PCDH11X: variants seen among roughly 807,000 people sequenced by gnomAD.
PCDH11X encodes the protein protocadherin-11 X-linked.
Under a neutral mutation model 53.3 loss-of-function variants are expected in PCDH11X, and 18 were observed. That is an observed-to-expected ratio of 0.34 (90% CI 0.23 to 0.50). The LOEUF (loss-of-function observed/expected upper bound fraction) is 0.50, where lower values mean the gene tolerates loss of function less well. Ranked by LOEUF, PCDH11X falls within the 20% of genes least tolerant of loss-of-function variation. The probability of loss-of-function intolerance (pLI) is 0.98; values close to 1 mark genes in which losing one functional copy is unlikely to be tolerated. For synonymous variants in PCDH11X, 279 were observed against 393.3 expected, an observed-to-expected ratio of 0.71 and a Z score of 3.44; for missense variants, 570 against 1,032.4, an observed-to-expected ratio of 0.55 and a Z score of 6.14.
chrX:92,588,939 C>A (rs1245936815), intron 10 of PCDH11X, among the ~76,000 whole-genome samples: 1 of 110,385 alleles, frequency 9.1e-6, no homozygotes, highest in Admixed American at 9.8e-5. Context: ...AAAGAAAATA[C>A]AACGGAGCTC....
chrX:91,818,662 G>A (rs368838665), intron 4 of PCDH11X, among the ~76,000 whole-genome samples: 18 of 108,274 alleles, frequency 1.7e-4, no homozygotes, highest in East Asian at 1.5e-3. Flanking sequence ...TCGCACCACT[G>A]CACTCCAGCC....
At chrX:91,963,572 TCTGTCTTCTTCTGAG>T (rs1157459255) in intron 6 of PCDH11X, among the ~76,000 whole-genome samples, 1 of 111,419 alleles carries the variant, frequency 9.0e-6, no homozygotes, top group African/African-American at 3.3e-5. Flanking sequence ...CCCACCTCTT[TCTGTCTTCTTCTGAG>T]CCCTCCAAGC....
intron 6 of PCDH11X, among the ~76,000 whole-genome samples, chrX:91,906,882 T>C (rs1289310119): frequency 2.7e-5 from 3 of 111,207 alleles, no homozygotes; most frequent in African/African-American, 9.8e-5. Context: ...GTTTGTGAAA[T>C]TCCTTTTTAA....
intron 6 of PCDH11X, among the ~76,000 whole-genome samples, chrX:92,015,200 A>ATCTT (rs1420210401): frequency 2.7e-5 from 3 of 111,618 alleles, no homozygotes; most frequent in Non-Finnish European, 5.7e-5. Flanking sequence ...GTGGACTTTA[A>ATCTT]TCTTTATTTA....
chrX:92,483,662 G>T (rs1432121844), intron 10 of PCDH11X, among the ~76,000 whole-genome samples: 11 of 89,247 alleles, frequency 1.2e-4, no homozygotes, highest in Non-Finnish European at 1.5e-4. Context: ...TCTGAATAAG[G>T]TCTATGATCT....
intron 6 of PCDH11X, among the ~76,000 whole-genome samples, chrX:92,188,865 A>G (rs12687951): frequency 9.0e-6 from 1 of 110,620 alleles, no homozygotes; most frequent in East Asian, 2.8e-4. Flanking sequence ...TTTCTTTGTG[A>G]TAATATGTGT....
At chrX:91,819,630 CT>C (rs71231693) in intron 4 of PCDH11X, among the ~76,000 whole-genome samples, 77 of 96,494 alleles carry the variant, frequency 8.0e-4, no homozygotes, top group Admixed American at 3.7e-3. Flanking sequence ...GCAAGCATTT[CT>C]TTTTTTTTTT....
At chrX:92,417,239 A>T (rs1419527253) in intron 9 of PCDH11X, among the ~76,000 whole-genome samples, 2 of 112,109 alleles carry the variant, frequency 1.8e-5, no homozygotes, top group Non-Finnish European at 3.8e-5. Flanking sequence ...TAGTTTTTAC[A>T]TTTTGTATGA....
At chrX:91,792,628 C>T (rs1254702218) in intron 1 of PCDH11X, among the ~76,000 whole-genome samples, 1 of 110,812 alleles carries the variant, frequency 9.0e-6, no homozygotes, top group African/African-American at 3.3e-5. Context: ...TTAGTAAGAA[C>T]TTTAAAGGAA....
chrX:92,508,097 G>T (rs909757041), intron 10 of PCDH11X, among the ~76,000 whole-genome samples: 1 of 111,511 alleles, frequency 9.0e-6, no homozygotes, highest in Non-Finnish European at 1.9e-5. Flanking sequence ...TTACAGGCGT[G>T]AGCCACCGCA....
At chrX:92,107,010 T>A (rs2064399035) in intron 6 of PCDH11X, among the ~76,000 whole-genome samples, 1 of 111,680 alleles carries the variant, frequency 9.0e-6, no homozygotes. Context: ...CATGATAAAA[T>A]CGAGGTCTCC....
At chrX:92,016,730 C>G (rs1324204308) in intron 6 of PCDH11X, among the ~76,000 whole-genome samples, 1 of 111,561 alleles carries the variant, frequency 9.0e-6, no homozygotes, top group Non-Finnish European at 1.9e-5. Flanking sequence ...GAAACTTTCT[C>G]CATATTGGCC....
intron 7 of PCDH11X, among the ~76,000 whole-genome samples, chrX:92,257,701 C>T (rs1035090566): frequency 1.8e-5 from 2 of 112,740 alleles, no homozygotes; most frequent in African/African-American, 6.4e-5. Flanking sequence ...TCTCCTTTGG[C>T]TCCATATCTC....
chrX:92,322,987 G>A (rs1256473181), intron 8 of PCDH11X, among the ~76,000 whole-genome samples: 1 of 111,710 alleles, frequency 9.0e-6, no homozygotes, highest in Non-Finnish European at 1.9e-5. Flanking sequence ...ACTTGAAATC[G>A]GTAATACATT....
chrX:91,998,521 G>A (rs1303227949), intron 6 of PCDH11X, among the ~76,000 whole-genome samples: 6 of 107,344 alleles, frequency 5.6e-5, no homozygotes, highest in Non-Finnish European at 1.1e-4. Context: ...AATCCTCTTA[G>A]GTTGTGGATC....
At chrX:92,490,515 C>T (rs1461885482) in intron 10 of PCDH11X, among the ~76,000 whole-genome samples, 15 of 110,341 alleles carry the variant, frequency 1.4e-4, no homozygotes, top group Non-Finnish European at 2.8e-4. Context: ...CATCCTGTAT[C>T]GATGATCCTG....
chrX:92,073,402 GC>G (rs1448930107), intron 6 of PCDH11X, among the ~76,000 whole-genome samples: 2 of 112,366 alleles, frequency 1.8e-5, no homozygotes, highest in African/African-American at 3.2e-5. Flanking sequence ...AATATTCATT[GC>G]AGAAAAGTGT....
At chrX:92,412,941 G>A (rs1319265203) in intron 9 of PCDH11X, among the ~76,000 whole-genome samples, 2 of 107,102 alleles carry the variant, frequency 1.9e-5, no homozygotes, top group Non-Finnish European at 3.8e-5. Flanking sequence ...TTTCTCCTAA[G>A]AAATTGCTTT....
intron 6 of PCDH11X, among the ~76,000 whole-genome samples, chrX:91,917,676 G>A (rs1489598833): frequency 1.1e-5 from 1 of 91,687 alleles, no homozygotes; most frequent in Non-Finnish European, 2.1e-5. Flanking sequence ...AGAAATCATC[G>A]ACAACACAAA....
Sources: gnomAD v4.1 joint callset for allele counts (sites outside exome capture counted in the v4.1 genomes callset) on GRCh38, gnomAD v4.1.1 for gene constraint, MANE v1.5 for transcripts, NCBI Gene and HGNC (gene_info 2026-07-23, HGNC 2026-07-21) for gene names.